The following SEC14L5 variants were observed in gnomAD, a reference collection of about 807,000 sequenced individuals.
The protein encoded by SEC14L5 is SEC14 like lipid binding 5, also known as SEC14-like protein 5.
In SEC14L5, 96 loss-of-function variants were observed where a neutral mutation model predicts 84.6. The ratio of observed to expected loss-of-function variants is 1.13; its 90% confidence interval spans 0.96 to 1.34. The LOEUF (loss-of-function observed/expected upper bound fraction) is 1.34. Among genes scored for constraint, SEC14L5 ranks in the 40% most tolerant of loss-of-function variants. The probability of loss-of-function intolerance (pLI) is 0.00; values close to 1 mark genes in which losing one functional copy is unlikely to be tolerated. For missense variants in SEC14L5, 1,224 were observed against 942.5 expected (o/e 1.30, Z -3.91); for synonymous variants, 546 against 383.4 (o/e 1.42, Z -4.95).
chr16:5,010,423 A>G (rs1482742856), intron 14 of SEC14L5, among the ~76,000 whole-genome samples: 1 of 152,028 alleles, frequency 6.6e-6, no homozygotes, highest in Non-Finnish European at 1.5e-5. Flanking sequence ...CTGGAATATG[A>G]GCTGCCCCTG....
chr16:4,988,442 C>T (rs1231203356), intron 4 of SEC14L5, among the ~76,000 whole-genome samples, 162 bp downstream of exon 4: 9 of 152,312 alleles, frequency 5.9e-5, no homozygotes, highest in African/African-American at 1.7e-4. Context: ...CTTTGCATTC[C>T]GATGAACAAC....
chr16:5,012,686 T>C (rs9924437), intron 15 of SEC14L5, among the ~76,000 whole-genome samples: 71 of 152,180 alleles, frequency 4.7e-4, no homozygotes, highest in African/African-American at 1.7e-3. Flanking sequence ...GGGTGGATCA[T>C]CTGTGGTCAA....
chr16:4,989,247 A>G (rs717344), intron 4 of SEC14L5, among the ~76,000 whole-genome samples: 79,589 of 151,490 alleles, frequency 0.53, 21,171 homozygotes, highest in East Asian at 0.73. Flanking sequence ...GCCTTGCTGG[A>G]TCGTTTTCAC....
chr16:4,997,053 C>G lies in SEC14L5; in HGVS notation c.970+9C>G, dbSNP rs1321186859. On this transcript the variant is annotated intron_variant, in intron 8 of 15. Coordinates refer to ENST00000251170, the MANE Select transcript of SEC14L5 (RefSeq NM_014692.2). ...GCATTACCAGGACATAGGTGCGTGC[C>G]TCCACCCACATCATGTATAGGGCAT... is the stretch of plus-strand genomic sequence containing the variant. 3 of 1,593,798 alleles carry G rather than the reference C, an allele frequency of 1.9e-6. No homozygotes were observed. The highest frequency in any genetic ancestry group is 2.2e-5 in the East Asian group (1 of 44,526).
At chr16:5,011,497 A>C (rs113779121) in intron 15 of SEC14L5, among the ~76,000 whole-genome samples, 1 of 152,186 alleles carries the variant, frequency 6.6e-6, no homozygotes, top group African/African-American at 2.4e-5. Flanking sequence ...TTTTCCTTCA[A>C]ATGAAACCTT....
intron 2 of SEC14L5, among the ~76,000 whole-genome samples, chr16:4,983,503 G>A (rs898091414): frequency 2.0e-5 from 3 of 149,626 alleles, no homozygotes; most frequent in African/African-American, 4.9e-5. Context: ...TGTATAGAAA[G>A]ATATATGCAC....
At chr16:4,989,249 C>A (rs893350034) in intron 4 of SEC14L5, among the ~76,000 whole-genome samples, 1 of 150,694 alleles carries the variant, frequency 6.6e-6, no homozygotes, top group Non-Finnish European at 1.5e-5. Context: ...CTTGCTGGAT[C>A]GTTTTCACGA....
chr16:5,011,947 T>C (rs1558561), intron 15 of SEC14L5, among the ~76,000 whole-genome samples: 69,620 of 152,054 alleles, frequency 0.46, 16,404 homozygotes, highest in African/African-American at 0.57. Flanking sequence ...AAAGCACTTA[T>C]GATTTTGCAC....
At chr16:4,987,761 G>A in intron 3 of SEC14L5, 55 bp downstream of exon 3, 1 of 1,347,300 alleles carries the variant, frequency 7.4e-7, no homozygotes, top group African/African-American at 1.5e-5. Context: ...GGAGGTGCGG[G>A]AGGGCTGGGC....
intron 2 of SEC14L5, among the ~76,000 whole-genome samples, chr16:4,970,328 G>T (rs530223420): frequency 6.6e-6 from 1 of 152,120 alleles, no homozygotes; most frequent in Non-Finnish European, 1.5e-5. Context: ...GGAGGTGGGG[G>T]ATGTTAAGCA....
rs559404989 is a variant in SEC14L5 at position 5,002,150 on chromosome 16, T to C, written c.1130+1225T>C. On this transcript the variant is annotated intron_variant, in intron 10 of 15. Coordinates refer to ENST00000251170, the MANE Select transcript of SEC14L5 (RefSeq NM_014692.2). ...GCAAACACGGATCTTGCACTTGCTATGTAGCAGGTGCCCTTCTAAGCACCT... is the reference window on the plus strand; with the variant it reads ...GCAAACACGGATCTTGCACTTGCTACGTAGCAGGTGCCCTTCTAAGCACCT... Among the ~76,000 whole-genome samples, 57 of 152,210 alleles carry C rather than the reference T, an allele frequency of 3.7e-4. 1 individual carries two copies. Among genetic ancestry groups the C allele is most frequent in the Admixed American group, 2.8e-3 (43 of 15,276 alleles).
At chr16:5,001,688 C>G (rs1213462226) in intron 10 of SEC14L5, among the ~76,000 whole-genome samples, 1 of 152,194 alleles carries the variant, frequency 6.6e-6, no homozygotes, top group Non-Finnish European at 1.5e-5. Flanking sequence ...TGTTCCTGAA[C>G]TGTTTCCCGG....
chr16:5,000,724 A>C lies in SEC14L5; in HGVS notation c.1040A>C (p.Glu347Ala), dbSNP rs370881843. The change falls in exon 9 of 16, where the codon GAG becomes GCG. Residue 347 changes from glutamate to alanine, a missense_variant. Glu to Ala is a moderately radical substitution (Grantham distance 107). Transcript: ENST00000251170. The part of the protein sequence containing the change: ...DTKGLMKAVG[E>A]EALLRHVLSV... ...AAAGGCTTGATGAAGGCCGTGGGGGAGGAGGCGCTGCTGCGGCATGTGAGT... is the reference window on the plus strand; with the variant it reads ...AAAGGCTTGATGAAGGCCGTGGGGGCGGAGGCGCTGCTGCGGCATGTGAGT... 1 of 1,552,410 alleles carries C rather than the reference A, an allele frequency of 6.4e-7. No homozygotes were observed. The highest frequency in any genetic ancestry group is 1.4e-5 in the African/African-American group (1 of 73,160).
chr16:5,014,255 G>C (rs952607777), intron 15 of SEC14L5, among the ~76,000 whole-genome samples: 2 of 152,216 alleles, frequency 1.3e-5, no homozygotes, highest in Non-Finnish European at 2.9e-5. Context: ...TTCATCGCAG[G>C]AAGTTCTTGG....
chr16:5,011,485 G>A, intron 15 of SEC14L5, among the ~76,000 whole-genome samples: 1 of 152,208 alleles, frequency 6.6e-6, no homozygotes, highest in East Asian at 1.9e-4. Flanking sequence ...CCGAAGCAGG[G>A]ATTTTCCTTC....
intron 14 of SEC14L5, among the ~76,000 whole-genome samples, chr16:5,010,568 G>A (rs1465266808): frequency 6.6e-6 from 1 of 152,118 alleles, no homozygotes; most frequent in African/African-American, 2.4e-5. Context: ...CGAAGTTCCC[G>A]GTGGGGAGAG....
intron 7 of SEC14L5, 100 bp downstream of exon 7, chr16:4,996,560 A>G: frequency 1.5e-6 from 1 of 661,364 alleles, no homozygotes; most frequent in East Asian, 2.8e-5. Context: ...ATGCTGACAC[A>G]TTATCTCTTG....
rs58882220 is a variant in SEC14L5, at chr16:4,981,255, G to GTTTTTTTT, written c.64-6281_64-6274dup. 8.6e-5 allele frequency among the ~76,000 whole-genome samples: 8 copies of GTTTTTTTT among 92,934 alleles called. 1 individual carries two copies. The highest frequency in any genetic ancestry group is 8.3e-5 in the Non-Finnish European group (4 of 48,100). The allele number at this position is 92,934 out of a possible 152,430, so 61.0% of individuals were successfully genotyped here. A position where few individuals can be genotyped will look rare whatever the true frequency, so the allele number is the denominator to read the frequency against. On this transcript the variant is annotated intron_variant, in intron 2 of 15. Transcript: ENST00000251170. ...ATGCACCAGCACGTCTAGCTAATTG[G>GTTTTTTTT]TTTTTTTTTTTTTTTTTTTTTTTTT... is the stretch of plus-strand genomic sequence containing the variant.
intron 4 of SEC14L5, among the ~76,000 whole-genome samples, chr16:4,988,798 T>C (rs1178222122): frequency 1.3e-5 from 2 of 152,274 alleles, no homozygotes; most frequent in Non-Finnish European, 2.9e-5. Flanking sequence ...TATATACTGA[T>C]TGAGCACCTA....
Sources: gnomAD v4.1 joint callset for allele counts (sites outside exome capture counted in the v4.1 genomes callset) on GRCh38, gnomAD v4.1.1 for gene constraint, MANE v1.5 for transcripts, NCBI Gene and HGNC (gene_info 2026-07-23, HGNC 2026-07-21) for gene names.